The following OXR1 variants were observed in gnomAD, a reference collection of about 807,000 sequenced individuals.
OXR1 encodes oxidation resistance 1.
Under a neutral mutation model 104.6 loss-of-function variants are expected in OXR1, and 41 were observed. That is an observed-to-expected ratio of 0.39 (90% CI 0.31 to 0.51). The LOEUF (loss-of-function observed/expected upper bound fraction) is 0.51. OXR1 is among the 20% of genes least tolerant of loss of function. The pLI, the probability that OXR1 is intolerant of heterozygous loss-of-function variation, is 0.77. For synonymous variants in OXR1, 348 were observed against 348.4 expected, an observed-to-expected ratio of 1.00 and a Z score of 0.01; for missense variants, 955 against 1,031.9, an observed-to-expected ratio of 0.93 and a Z score of 1.02.
At chr8:106,388,364 T>C (rs1167974467) in intron 2 of OXR1, among the ~76,000 whole-genome samples, 1 of 152,178 alleles carries the variant, frequency 6.6e-6, no homozygotes, top group Non-Finnish European at 1.5e-5. Flanking sequence ...GCCCTTGCCT[T>C]TGGCCTAATA....
intron 2 of OXR1, among the ~76,000 whole-genome samples, chr8:106,512,054 G>A (rs1789981): frequency 0.73 from 110,643 of 152,048 alleles, 41,123 homozygotes; most frequent in Admixed American, 0.82. Flanking sequence ...ACATTTATAC[G>A]ATACTTATGC....
At chr8:106,406,606 A>G (rs1398695240) in intron 2 of OXR1, among the ~76,000 whole-genome samples, 2 of 152,224 alleles carry the variant, frequency 1.3e-5, no homozygotes, top group Non-Finnish European at 2.9e-5. Flanking sequence ...AAAAGGCTAC[A>G]TACTGTATGA....
intron 15 of OXR1, among the ~76,000 whole-genome samples, chr8:106,745,233 C>T (rs1442229022): frequency 6.6e-6 from 1 of 152,162 alleles, no homozygotes; most frequent in Non-Finnish European, 1.5e-5. Context: ...TAAGAATATT[C>T]ATGTCTAGTT....
At chr8:106,545,896 TA>T (rs1815318763) in intron 3 of OXR1, among the ~76,000 whole-genome samples, 1 of 151,222 alleles carries the variant, frequency 6.6e-6, no homozygotes, top group Non-Finnish European at 1.5e-5. Flanking sequence ...CTCCGGAGGC[TA>T]AGGCAGGAGA....
chr8:106,303,248 C>CTTTTTTTT (rs1164596413), intron 1 of OXR1, among the ~76,000 whole-genome samples: 12 of 92,364 alleles, frequency 1.3e-4, no homozygotes, highest in East Asian at 3.1e-4. Flanking sequence ...TTTTTTCTTT[C>CTTTTTTTT]TTTTTTTTTT....
chr8:106,691,730 T>C (rs1298825650), intron 6 of OXR1, among the ~76,000 whole-genome samples: 2 of 150,652 alleles, frequency 1.3e-5, no homozygotes, highest in African/African-American at 4.9e-5. Flanking sequence ...GTTGATAGCT[T>C]TTTGCCAGTT....
intron 12 of OXR1, among the ~76,000 whole-genome samples, chr8:106,738,436 T>C (rs966051079): frequency 1.3e-5 from 2 of 152,076 alleles, no homozygotes; most frequent in South Asian, 2.1e-4. Flanking sequence ...GTTGCAAATA[T>C]ATGCTGCTCA....
intron 2 of OXR1, among the ~76,000 whole-genome samples, chr8:106,461,569 A>G (rs1307063833): frequency 6.6e-6 from 1 of 152,182 alleles, no homozygotes; most frequent in Non-Finnish European, 1.5e-5. Flanking sequence ...TCTCAAAAAT[A>G]AAAACAAATA....
At chr8:106,703,223 T>C (rs1279473853) in intron 8 of OXR1, 133 bp downstream of exon 8, 1 of 579,126 alleles carries the variant, frequency 1.7e-6, no homozygotes, top group African/African-American at 1.9e-5. Flanking sequence ...CGAAAATATA[T>C]GCATTATTGA....
At chr8:106,700,065 A>G (rs536495947) in intron 7 of OXR1, among the ~76,000 whole-genome samples, 1 of 152,174 alleles carries the variant, frequency 6.6e-6, no homozygotes, top group East Asian at 1.9e-4. Flanking sequence ...TTATTTTCTA[A>G]TAGAAATAAT....
chr8:106,449,506 ACCACTC>A (rs1037016176), intron 2 of OXR1, among the ~76,000 whole-genome samples: 1 of 152,186 alleles, frequency 6.6e-6, no homozygotes. Context: ...CATCATCACA[ACCACTC>A]CTGCAAAGTT....
At position 106,508,233 on chromosome 8, in the gene OXR1, T is replaced by A. The variant is rs73309292; in HGVS notation, c.24-10710T>A. ...GAGATTGGCTTTGGCAAGAAGAGGA[T>A]CATGTTCTCTTCTGTAATAGAAAGA... On this transcript the variant is annotated intron_variant, in intron 2 of 16. Transcript: ENST00000517566. Among the ~76,000 whole-genome samples, 537 of 152,338 alleles carry A rather than the reference T, an allele frequency of 3.5e-3. 4 individuals are homozygous for A. The highest frequency in any genetic ancestry group is 0.012 in the African/African-American group (512 of 41,576).
intron 2 of OXR1, among the ~76,000 whole-genome samples, chr8:106,406,913 G>A (rs1405369062): frequency 6.8e-6 from 1 of 147,818 alleles, no homozygotes; most frequent in East Asian, 2.1e-4. Context: ...TGGTGCAAAA[G>A]TAATTGCGGT....
chr8:106,661,655 G>A (rs889605159), intron 3 of OXR1, among the ~76,000 whole-genome samples: 4 of 152,238 alleles, frequency 2.6e-5, no homozygotes, highest in African/African-American at 4.8e-5. Context: ...ACATGAAATC[G>A]TTTTTATCAT....
intron 2 of OXR1, among the ~76,000 whole-genome samples, chr8:106,504,344 A>T (rs921760192): frequency 7.9e-5 from 12 of 152,294 alleles, no homozygotes; most frequent in African/African-American, 2.6e-4. Context: ...TAGAGCAACT[A>T]AGTGTTTCTG....
At chr8:106,639,383 T>C (rs1256366969) in intron 3 of OXR1, among the ~76,000 whole-genome samples, 1 of 152,172 alleles carries the variant, frequency 6.6e-6, no homozygotes, top group Non-Finnish European at 1.5e-5. Flanking sequence ...CTTCTGTAAA[T>C]TTTATTTTAT....
intron 3 of OXR1, among the ~76,000 whole-genome samples, chr8:106,608,330 GA>G (rs999862253): frequency 4.7e-4 from 70 of 150,444 alleles, no homozygotes; most frequent in Admixed American, 1.1e-3. Flanking sequence ...CAAAAACGAT[GA>G]AAAAAAAATC....
chr8:106,578,002 T>C (rs540204548), intron 3 of OXR1, among the ~76,000 whole-genome samples: 1 of 152,324 alleles, frequency 6.6e-6, no homozygotes, highest in African/African-American at 2.4e-5. Context: ...CCAGCATTAG[T>C]TGGCCGGTGC....
chr8:106,514,180 C>G (rs909219464), intron 2 of OXR1, among the ~76,000 whole-genome samples: 15 of 152,052 alleles, frequency 9.9e-5, no homozygotes, highest in East Asian at 5.8e-4. Flanking sequence ...CATTTATTAT[C>G]AAATAGGGTA....
Sources: allele counts gnomAD v4.1 joint callset (sites outside exome capture counted in the v4.1 genomes callset), GRCh38; gene constraint gnomAD v4.1.1; transcripts MANE v1.5; gene names NCBI Gene and HGNC (gene_info 2026-07-23, HGNC 2026-07-21).